Variants in MBOAT1 observed in about 807,000 individuals in gnomAD.
MBOAT1 encodes membrane-bound glycerophospholipid O-acyltransferase 1.
In MBOAT1, 67 loss-of-function variants were observed where a neutral mutation model predicts 64.4. The observed-to-expected ratio is 1.04, with a 90% confidence interval of 0.85 to 1.27. The LOEUF is 1.27. Ranked by LOEUF, MBOAT1 falls within the 50% of genes most tolerant of loss-of-function variation. The pLI, the probability that MBOAT1 is intolerant of heterozygous loss-of-function variation, is 0.00. For missense variants in MBOAT1, 563 were observed against 604.6 expected (o/e 0.93, Z 0.72); for synonymous variants, 229 against 218.9 (o/e 1.05, Z -0.41).
intron 12 of MBOAT1, among the ~76,000 whole-genome samples, chr6:20,103,392 C>T (rs1759856982): frequency 1.3e-5 from 2 of 151,926 alleles, no homozygotes; most frequent in South Asian, 4.2e-4. Flanking sequence ...ATACCTGTAC[C>T]ACGTTTTTGT....
intron 3 of MBOAT1, among the ~76,000 whole-genome samples, chr6:20,146,555 T>C (rs1761330971): frequency 2.0e-5 from 3 of 152,224 alleles, no homozygotes; most frequent in Admixed American, 2.0e-4. Context: ...TTAGGCCTTG[T>C]CATCTCCAGC....
chr6:20,124,114 T>C lies in MBOAT1; in HGVS notation c.907+294A>G, dbSNP rs1760580713. On this transcript the variant is annotated intron_variant, in intron 8 of 12. Transcript: ENST00000324607. ...AATTTCCCCTCAACTTTCCACTGCT[T>C]TACATGGCCAACTTTGATTGGTAGA... 2.0e-5 allele frequency among the ~76,000 whole-genome samples: 3 copies of C among 152,148 alleles called. No homozygotes were observed. In the South Asian group the frequency reaches 6.2e-4, roughly 31 times the overall value.
At chr6:20,133,300 C>A (rs1397821262) in intron 4 of MBOAT1, among the ~76,000 whole-genome samples, 7 of 152,192 alleles carry the variant, frequency 4.6e-5, no homozygotes, top group Non-Finnish European at 1.0e-4. Context: ...TTACACCATG[C>A]TCTTTTATAT....
chr6:20,169,761 C>T (rs969686253), intron 1 of MBOAT1, among the ~76,000 whole-genome samples: 2 of 152,152 alleles, frequency 1.3e-5, no homozygotes, highest in African/African-American at 4.8e-5. Context: ...TATTAATTCT[C>T]CTATCCTCCC....
chr6:20,121,881 T>G (rs2483761), intron 8 of MBOAT1, among the ~76,000 whole-genome samples: 2,374 of 152,274 alleles, frequency 0.016, 65 homozygotes, highest in African/African-American at 0.053. Flanking sequence ...TATTAATTAT[T>G]TGGCCAGGAA....
intron 10 of MBOAT1, among the ~76,000 whole-genome samples, chr6:20,114,883 CAA>C (rs34238970): frequency 1.8e-3 from 214 of 116,126 alleles, no homozygotes; most frequent in African/African-American, 5.1e-3. Flanking sequence ...AACTCCTTCT[CAA>C]AAAAAAAAAA....
Position 20,112,922 on chromosome 6 carries a change from T to G in MBOAT1, c.1163A>C (p.Tyr388Ser), listed in dbSNP as rs1293098293. 1 of 1,614,030 alleles carries G rather than the reference T, an allele frequency of 6.2e-7. No individual in the cohort carries two copies. The change falls in exon 11 of 13, where the codon TAT becomes TCT. Residue 388 changes from tyrosine to serine, a missense_variant. Transcript: ENST00000324607. Reference protein sequence around the residue: ...ALWHGVYPGYYFTFLTGILVT... With the variant: ...ALWHGVYPGYSFTFLTGILVT... Reference sequence around the variant, plus strand: ...AAGAATTCCAGTTAAGAAGGTAAAATAGTATCCAGGGTAGACACCATGCCA... The same window carrying G: ...AAGAATTCCAGTTAAGAAGGTAAAAGAGTATCCAGGGTAGACACCATGCCA...
At chr6:20,109,789 A>C in intron 11 of MBOAT1, 40 bp from the exon 12 acceptor site, 1 of 1,589,826 alleles carries the variant, frequency 6.3e-7, no homozygotes, top group Non-Finnish European at 8.6e-7. Context: ...GGAGGGGGTG[A>C]AAAACAAATA....
intron 1 of MBOAT1, among the ~76,000 whole-genome samples, chr6:20,172,377 C>T (rs773744312): frequency 6.6e-6 from 1 of 151,980 alleles, no homozygotes; most frequent in Non-Finnish European, 1.5e-5. Context: ...TGCAGTGAGC[C>T]ATGATCGCAC....
chr6:20,192,742 A>G (rs964454983), intron 1 of MBOAT1, among the ~76,000 whole-genome samples: 3 of 152,148 alleles, frequency 2.0e-5, no homozygotes, highest in Non-Finnish European at 2.9e-5. Flanking sequence ...CCCTTCATGT[A>G]GGTATGATTA....
intron 1 of MBOAT1, among the ~76,000 whole-genome samples, chr6:20,190,776 C>T (rs1412694496): frequency 6.6e-6 from 1 of 151,802 alleles, no homozygotes; most frequent in Non-Finnish European, 1.5e-5. Context: ...AGCAGAACTT[C>T]GGGCAGATAG....
chr6:20,168,553 C>T (rs1456335818), intron 1 of MBOAT1, among the ~76,000 whole-genome samples: 1 of 78,922 alleles, frequency 1.3e-5, no homozygotes, highest in Non-Finnish European at 2.5e-5. Context: ...GAGAGGGAAA[C>T]AGAGAAAGAG....
intron 1 of MBOAT1, among the ~76,000 whole-genome samples, chr6:20,161,441 C>T (rs1234943024): frequency 6.6e-6 from 1 of 152,036 alleles, no homozygotes; most frequent in Non-Finnish European, 1.5e-5. Context: ...ATCCCCCACC[C>T]CCACTCCATG....
intron 4 of MBOAT1, among the ~76,000 whole-genome samples, chr6:20,138,083 C>T (rs1761052244): frequency 1.3e-5 from 2 of 152,132 alleles, no homozygotes; most frequent in Admixed American, 1.3e-4. Context: ...TTGTCAATTT[C>T]AGGTTGGTAT....
chr6:20,212,000 A>ACACC lies in MBOAT1; in HGVS notation c.99+135_99+136insGGTG, dbSNP rs1763440094. On this transcript the variant is annotated intron_variant, in intron 1 of 12. Coordinates refer to ENST00000324607, the MANE Select transcript of MBOAT1 (RefSeq NM_001080480.3). ...CACACACACACACACACACACACACACACAAAAACCAACTGTCTAGTGTGT... is the reference window on the plus strand; with the variant it reads ...CACACACACACACACACACACACACACACCCACAAAAACCAACTGTCTAGTGTGT... 8.6e-6 allele frequency: 6 copies of ACACC among 700,304 alleles called. No individual in the cohort carries two copies. In the South Asian group the frequency reaches 1.1e-4, roughly 12 times the overall value. The allele number at this position is 700,304 out of a possible 1,614,324, so 43.4% of individuals were successfully genotyped here. A position where few individuals can be genotyped will look rare whatever the true frequency, so the allele number is the denominator to read the frequency against.
intron 8 of MBOAT1, among the ~76,000 whole-genome samples, chr6:20,120,162 G>A (rs1300112111): frequency 8.6e-5 from 13 of 151,922 alleles, no homozygotes; most frequent in Admixed American, 8.5e-4. Context: ...ACCTCCACTC[G>A]GCAGCATACT....
At chr6:20,119,997 G>T (rs1186329855) in intron 8 of MBOAT1, among the ~76,000 whole-genome samples, 1 of 62,478 alleles carries the variant, frequency 1.6e-5, no homozygotes, top group Non-Finnish European at 3.3e-5. Flanking sequence ...TTCTGTGTGT[G>T]TGTGTGTGCG....
At chr6:20,131,746 A>G (rs1310299172) in intron 4 of MBOAT1, among the ~76,000 whole-genome samples, 1 of 152,174 alleles carries the variant, frequency 6.6e-6, no homozygotes, top group Admixed American at 6.5e-5. Context: ...CTTCGAAATC[A>G]CTTTACATAG....
chr6:20,144,189 A>C, intron 4 of MBOAT1, 31 bp downstream of exon 4: 149 of 1,458,820 alleles, frequency 1.0e-4, no homozygotes, highest in Non-Finnish European at 1.4e-4. Context: ...AGTCAGCAGT[A>C]AAACCCCTCT....
Sources: gnomAD v4.1 joint callset for allele counts (sites outside exome capture counted in the v4.1 genomes callset) on GRCh38, gnomAD v4.1.1 for gene constraint, MANE v1.5 for transcripts, NCBI Gene and HGNC (gene_info 2026-07-23, HGNC 2026-07-21) for gene names.